The following AGAP1 variants were observed in gnomAD, a reference collection of about 807,000 sequenced individuals.
AGAP1 encodes the protein ArfGAP with GTPase domain, ankyrin repeat and PH domain 1.
A neutral mutation model predicts 105.3 loss-of-function variants in AGAP1; 29 were observed. The observed-to-expected ratio is 0.28, with a 90% confidence interval of 0.21 to 0.38. The LOEUF (loss-of-function observed/expected upper bound fraction) is 0.38. Ranked by LOEUF, AGAP1 falls within the 10% of genes least tolerant of loss-of-function variation. AGAP1 has a pLI of 1.00. For missense variants in AGAP1, 998 were observed against 1,165.1 expected (o/e 0.86, Z 2.09); for synonymous variants, 509 against 485.9 (o/e 1.05, Z -0.63).
At chr2:235,604,460 C>A (rs1324350826) in intron 1 of AGAP1, among the ~76,000 whole-genome samples, 2 of 138,108 alleles carry the variant, frequency 1.4e-5, no homozygotes, top group African/African-American at 2.8e-5. Flanking sequence ...TCAGCCTGGG[C>A]AACAGAGCGA....
At chr2:235,546,934 C>T (rs1388094566) in intron 1 of AGAP1, among the ~76,000 whole-genome samples, 2 of 152,220 alleles carry the variant, frequency 1.3e-5, no homozygotes, top group East Asian at 3.8e-4. Context: ...GAGCAGGCGG[C>T]TCACTGGCCG....
rs2052484620 is a variant in AGAP1, at chr2:235,927,095, C to T, written c.1325-3670C>T. ...TTATCACGGTTTGTCCATGTATACA[C>T]CTTGATGTGGCCCAAATTCAGTCAT... On this transcript the variant is annotated intron_variant, in intron 11 of 17. Coordinates refer to ENST00000304032, the MANE Select transcript of AGAP1 (RefSeq NM_001037131.3). The surrounding 1 kb of genome is among the most constrained non-coding windows in gnomAD (Gnocchi z 4.4). Among the ~76,000 whole-genome samples the T allele has an allele frequency of 6.6e-6, 1 of 152,178 alleles. No individual in the cohort carries two copies. Among genetic ancestry groups the T allele is most frequent in the African/African-American group, 2.4e-5 (1 of 41,438 alleles).
rs916612539 is a variant in AGAP1, at chr2:236,012,908, A to T, written c.1646-23653A>T. On this transcript the variant is annotated intron_variant, in intron 13 of 17. Transcript: ENST00000304032. This position sits in a 1 kb window ranked among gnomAD's most constrained non-coding sequence, Gnocchi z 4.9. Reference sequence around the variant, plus strand: ...ATTATAGGCGTGCCCCACCATGCACAGCTAATTTTTGTATTTTTAGTAGAG... The same window carrying T: ...ATTATAGGCGTGCCCCACCATGCACTGCTAATTTTTGTATTTTTAGTAGAG... Among the ~76,000 whole-genome samples, 2 of 152,072 alleles carry T rather than the reference A, an allele frequency of 1.3e-5. No individual in the cohort carries two copies. Among genetic ancestry groups the T allele is most frequent in the African/African-American group, 4.8e-5 (2 of 41,398 alleles).
At chr2:235,683,247 A>G (rs1419136325) in intron 1 of AGAP1, among the ~76,000 whole-genome samples, 1 of 151,868 alleles carries the variant, frequency 6.6e-6, no homozygotes, top group African/African-American at 2.4e-5. Context: ...CAGATGTTGC[A>G]GTGAGCTGAG....
intron 6 of AGAP1, among the ~76,000 whole-genome samples, chr2:235,780,643 T>G (rs527632646): frequency 2.0e-5 from 3 of 152,254 alleles, no homozygotes; most frequent in Non-Finnish European, 4.4e-5. Flanking sequence ...TTATAGTCCT[T>G]GGTGATTGAT....
chr2:235,984,316 G>A (rs143309138), intron 13 of AGAP1, among the ~76,000 whole-genome samples: 42 of 152,164 alleles, frequency 2.8e-4, no homozygotes, highest in African/African-American at 8.2e-4. Context: ...GATTGTTTCC[G>A]CCTTTTGGCT....
rs1344872824 is a variant in AGAP1 at position 235,959,981 on chromosome 2, T to C, written c.1484-8481T>C. Among the ~76,000 whole-genome samples the C allele has an allele frequency of 2.0e-5, 3 of 151,912 alleles. No homozygotes were observed. Among genetic ancestry groups the C allele is most frequent in the Non-Finnish European group, 4.4e-5 (3 of 67,994 alleles). On this transcript the variant is annotated intron_variant, in intron 12 of 17. Coordinates refer to ENST00000304032, the MANE Select transcript of AGAP1 (RefSeq NM_001037131.3). This position sits in a 1 kb window ranked among gnomAD's most constrained non-coding sequence, Gnocchi z 7.3. ...TTCCAGCAAGAAAGTTGGAGTAAAA[T>C]GTCCAGGGCCTGGGCTATGGAGTGT...
In AGAP1 at chr2:235,650,289, G is replaced by A. The variant is rs144768373; in HGVS notation, c.164-58890G>A. On this transcript the variant is annotated intron_variant, in intron 1 of 17. Coordinates refer to ENST00000304032, the MANE Select transcript of AGAP1 (RefSeq NM_001037131.3). ...GACAGGAAAAATCACTTGAACTCGG[G>A]AGGTGGAGGTTGCAATGAGCCGAGA... Among the ~76,000 whole-genome samples, 1,268 of 152,288 alleles carry A rather than the reference G, an allele frequency of 8.3e-3. 22 individuals carry two copies. The highest frequency in any genetic ancestry group is 0.029 in the African/African-American group (1,207 of 41,554).
chr2:235,564,691 GGGTCAGGTGTGAGCCTGGACCAC>G (rs1944285333), intron 1 of AGAP1, among the ~76,000 whole-genome samples: 13 of 123,968 alleles, frequency 1.0e-4, no homozygotes, highest in African/African-American at 3.9e-4. Context: ...CCACCACCCA[GGGTCAGGTGTGAGCCTGGACCAC>G]CACCCAGGGC....
intron 1 of AGAP1, among the ~76,000 whole-genome samples, chr2:235,588,041 C>CTGGTCT: frequency 6.6e-6 from 1 of 152,072 alleles, no homozygotes; most frequent in Admixed American, 6.5e-5. Context: ...ACCAGCCTTA[C>CTGGTCT]CAAGATAGTG....
At position 235,535,505 on chromosome 2, in the gene AGAP1, A is replaced by C. The variant is rs928425168; in HGVS notation, c.163+40656A>C. Among the ~76,000 whole-genome samples the C allele has an allele frequency of 1.3e-5, 2 of 151,662 alleles. No individual in the cohort carries two copies. Among genetic ancestry groups the C allele is most frequent in the South Asian group, 4.2e-4 (2 of 4,808 alleles). ...AGTATTTTGGATTTAAAAAAAAAAA[A>C]AACATGAAATGAAATCCGTGTCCTC... On this transcript the variant is annotated intron_variant, in intron 1 of 17. Transcript: ENST00000304032. This position sits in a 1 kb window ranked among gnomAD's most constrained non-coding sequence, Gnocchi z 5.1.
intron 12 of AGAP1, among the ~76,000 whole-genome samples, chr2:235,947,578 C>G (rs943343832): frequency 6.6e-6 from 1 of 152,166 alleles, no homozygotes. Context: ...ACTTATTTTC[C>G]TCTGGGTAGA....
At chr2:235,915,813 T>C (rs1284734989) in intron 11 of AGAP1, among the ~76,000 whole-genome samples, 2 of 152,204 alleles carry the variant, frequency 1.3e-5, no homozygotes, top group African/African-American at 4.8e-5. Flanking sequence ...AACAGAAGAA[T>C]ATATGCTAGA....
rs1258566545 is a variant in AGAP1 at position 235,970,659 on chromosome 2, C to T, written c.1645+2036C>T. Among the ~76,000 whole-genome samples, 2 of 152,194 alleles carry T rather than the reference C, an allele frequency of 1.3e-5. No individual in the cohort carries two copies. Among genetic ancestry groups the T allele is most frequent in the African/African-American group, 2.4e-5 (1 of 41,450 alleles). On this transcript the variant is annotated intron_variant, in intron 13 of 17. Coordinates refer to ENST00000304032, the MANE Select transcript of AGAP1 (RefSeq NM_001037131.3). The surrounding 1 kb of genome is among the most constrained non-coding windows in gnomAD (Gnocchi z 5.4). ...GGAACTGACCGTTGCCACTTAGATA[C>T]ACGTTCATTATCCCACCCACGTGTT... is the stretch of plus-strand genomic sequence containing the variant.
chr2:235,613,015 A>G (rs993276994), intron 1 of AGAP1, among the ~76,000 whole-genome samples: 7 of 147,446 alleles, frequency 4.7e-5, no homozygotes, highest in African/African-American at 1.7e-4. Flanking sequence ...AGAATTTTGC[A>G]TTTCAGTTTT....
intron 12 of AGAP1, among the ~76,000 whole-genome samples, chr2:235,947,587 G>A (rs1301084353): frequency 1.3e-5 from 2 of 152,168 alleles, no homozygotes; most frequent in Non-Finnish European, 2.9e-5. Flanking sequence ...CCTCTGGGTA[G>A]ATACCCAGTA....
chr2:235,639,015 C>T lies in AGAP1; in HGVS notation c.164-70164C>T, dbSNP rs1420629357. Reference sequence around the variant, plus strand: ...GGGGGGCAGAATCACCTGCTGAGACCCACTGGTTAAAATAGTGTCAGTAGG... The same window carrying T: ...GGGGGGCAGAATCACCTGCTGAGACTCACTGGTTAAAATAGTGTCAGTAGG... On this transcript the variant is annotated intron_variant, in intron 1 of 17. Transcript: ENST00000304032. This position sits in a 1 kb window ranked among gnomAD's most constrained non-coding sequence, Gnocchi z 5.3. Among the ~76,000 whole-genome samples the T allele has an allele frequency of 6.6e-6, 1 of 152,010 alleles. No homozygotes were observed. Among genetic ancestry groups the T allele is most frequent in the Non-Finnish European group, 1.5e-5 (1 of 68,000 alleles).
chr2:235,950,878 C>A (rs2053703673), intron 12 of AGAP1, among the ~76,000 whole-genome samples: 1 of 146,340 alleles, frequency 6.8e-6, no homozygotes, highest in African/African-American at 2.5e-5. Context: ...AACTCGGGAT[C>A]TCCAAGCACT....
chr2:235,531,764 A>G (rs751557877), intron 1 of AGAP1, among the ~76,000 whole-genome samples: 2 of 151,728 alleles, frequency 1.3e-5, no homozygotes, highest in Non-Finnish European at 2.9e-5. Context: ...GCCTGCCACC[A>G]CGCCCAGCTA....
Sources: allele counts gnomAD v4.1 joint callset (sites outside exome capture counted in the v4.1 genomes callset), GRCh38; gene constraint gnomAD v4.1.1; non-coding constraint Gnocchi (gnomAD v3.1); transcripts MANE v1.5; gene names NCBI Gene and HGNC (gene_info 2026-07-23, HGNC 2026-07-21).